The following TSHR variants were observed in gnomAD, a reference collection of about 807,000 sequenced individuals.
TSHR encodes thyroid stimulating hormone receptor.
In TSHR, 51 loss-of-function variants were observed where a neutral mutation model predicts 64.1. The ratio of observed to expected loss-of-function variants is 0.80; its 90% CI spans 0.64 to 1.01. The LOEUF (loss-of-function observed/expected upper bound fraction) is 1.01. Ranked by LOEUF, TSHR falls within the 50% of genes least tolerant of loss-of-function variation. The pLI, the probability that TSHR is intolerant of heterozygous loss-of-function variation, is 0.00. For synonymous variants in TSHR, 361 were observed against 361.9 expected (o/e 1.00, Z 0.03); for missense variants, 877 against 942.8 (o/e 0.93, Z 0.91).
At chr14:81,086,558 T>A (rs769172358) in intron 3 of TSHR, among the ~76,000 whole-genome samples, 2 of 152,174 alleles carry the variant, frequency 1.3e-5, no homozygotes, top group Non-Finnish European at 2.9e-5. Context: ...AGGCCAAACA[T>A]AAAATCCCTC....
intron 1 of TSHR, among the ~76,000 whole-genome samples, chr14:80,985,756 G>T (rs188421310): frequency 6.6e-6 from 1 of 152,230 alleles, no homozygotes; most frequent in Admixed American, 6.5e-5. Context: ...GTTGTGTATT[G>T]TAAACATCTT....
In TSHR at chr14:80,955,940, GC is replaced by G. The variant is rs1886652274; in HGVS notation, c.170+93del. The G allele has an allele frequency of 2.8e-5, 42 of 1,495,508 alleles. No homozygotes were observed. The South Asian group carries it at 4.8e-4, about 17-fold the overall frequency. The allele number at this position is 1,495,508 out of a possible 1,614,324, so 92.6% of individuals were successfully genotyped here. A position where few individuals can be genotyped will look rare whatever the true frequency, so the allele number is the denominator to read the frequency against. On this transcript the variant is annotated intron_variant, in intron 1 of 9. Transcript: ENST00000298171. ...AGTGCACAAAAGCAGCTCAATAACA[GC>G]CCGAAGTAGTGTGTGAGTGTGTGTA...
intron 8 of TSHR, among the ~76,000 whole-genome samples, chr14:81,124,758 A>C (rs1014059914): frequency 6.6e-5 from 10 of 151,898 alleles, no homozygotes; most frequent in Non-Finnish European, 1.2e-4. Context: ...TGTGGTTTTA[A>C]TTTGTGTTTC....
intron 8 of TSHR, among the ~76,000 whole-genome samples, chr14:81,133,855 G>C (rs1422123235): frequency 6.6e-6 from 1 of 151,978 alleles, no homozygotes; most frequent in Non-Finnish European, 1.5e-5. Flanking sequence ...CAATAATTAA[G>C]GACCTGAGAT....
rs1891924294 is a variant in TSHR, at chr14:81,146,301, T to C, written c.*1948T>C. 1 of 193,148 alleles carries C rather than the reference T, an allele frequency of 5.2e-6. No homozygotes were observed. The highest frequency in any genetic ancestry group is 1.1e-5 in the Non-Finnish European group (1 of 92,466). 12.0% of individuals were successfully genotyped at this position (193,148 alleles called of 1,614,324 possible). On this transcript the variant is annotated 3_prime_UTR_variant, in exon 10 of 10. Transcript: ENST00000298171. ...AAATTTTCTTCCTATGGAATAATCG[T>C]GCCAAGTCCTAGAGTGTTGTTCTTT... is the stretch of plus-strand genomic sequence containing the variant.
At chr14:81,067,839 T>C (rs947637457) in intron 2 of TSHR, among the ~76,000 whole-genome samples, 2 of 147,988 alleles carry the variant, frequency 1.4e-5, no homozygotes, top group Non-Finnish European at 3.0e-5. Context: ...TTTAATGGAA[T>C]GTCTAGTAAC....
chr14:80,970,575 A>G (rs573627317), intron 1 of TSHR, among the ~76,000 whole-genome samples: 1 of 152,286 alleles, frequency 6.6e-6, no homozygotes, highest in South Asian at 2.1e-4. Flanking sequence ...CAGGATGGAT[A>G]TCTGTAGTGT....
chr14:81,048,531 T>C (rs777243229), intron 1 of TSHR, among the ~76,000 whole-genome samples: 1 of 152,298 alleles, frequency 6.6e-6, no homozygotes. Context: ...AATGGAATGA[T>C]GTCAAAGGCT....
At chr14:80,970,848 C>A (rs1483377286) in intron 1 of TSHR, among the ~76,000 whole-genome samples, 1 of 152,180 alleles carries the variant, frequency 6.6e-6, no homozygotes, top group Non-Finnish European at 1.5e-5. Context: ...CAGGGTCTCA[C>A]TCTGTCACCC....
At chr14:81,049,691 T>C (rs1482354972) in intron 1 of TSHR, 1 of 152,180 alleles carries the variant, frequency 6.6e-6, no homozygotes, top group Non-Finnish European at 1.5e-5. Context: ...TCATCTTGAA[T>C]TGTAATCCCC....
At chr14:81,083,855 G>C (rs1159599770) in intron 3 of TSHR, among the ~76,000 whole-genome samples, 3 of 152,178 alleles carry the variant, frequency 2.0e-5, no homozygotes, top group Non-Finnish European at 4.4e-5. Flanking sequence ...AGAAGGGGAA[G>C]CAAACAGGTT....
At chr14:81,111,054 G>A (rs1043391787) in intron 8 of TSHR, among the ~76,000 whole-genome samples, 9 of 152,022 alleles carry the variant, frequency 5.9e-5, no homozygotes, top group African/African-American at 1.9e-4. Context: ...CATGTATAGG[G>A]TTCATGACTG....
In TSHR at chr14:80,955,689, G is replaced by C; in HGVS notation, c.9G>C (p.Pro3=). The C allele has an allele frequency of 1.2e-6, 2 of 1,614,038 alleles. No homozygotes were observed. Among genetic ancestry groups the C allele is most frequent in the Non-Finnish European group, 8.5e-7 (1 of 1,179,986 alleles). The change falls in exon 1 of 10, where the codon CCG becomes CCC. Residue 3 remains proline, a synonymous_variant. Transcript: ENST00000298171. The part of the protein sequence containing the change: MR[P]ADLLQLVLLL... ...CCCGAGTCCCGTGGAAAATGAGGCC[G>C]GCGGACTTGCTGCAGCTGGTGCTGC...
intron 1 of TSHR, among the ~76,000 whole-genome samples, chr14:81,061,859 A>G (rs1415965848): frequency 6.6e-6 from 1 of 152,138 alleles, no homozygotes; most frequent in Non-Finnish European, 1.5e-5. Flanking sequence ...CCCTTCAGTT[A>G]ACAAATAAAG....
intron 8 of TSHR, among the ~76,000 whole-genome samples, chr14:81,138,136 T>C (rs903478365): frequency 3.3e-5 from 5 of 152,026 alleles, no homozygotes; most frequent in Non-Finnish European, 5.9e-5. Flanking sequence ...TTTATAAATG[T>C]CTAATGTTAA....
chr14:81,077,803 C>T lies in TSHR; in HGVS notation c.317+9475C>T, dbSNP rs1392826404. On this transcript the variant is annotated intron_variant, in intron 3 of 9. Transcript: ENST00000298171. The stretch of plus-strand genomic sequence containing the variant: ...TTTTGGATTAATCTAGTTGTTTTTG[C>T]TTTTGTTTATTAGTGTTCTATTCCA... 3.9e-5 allele frequency among the ~76,000 whole-genome samples: 6 copies of T among 151,936 alleles called. No individual in the cohort carries two copies. The East Asian group carries it at 5.8e-4, about 15-fold the overall frequency.
intron 8 of TSHR, among the ~76,000 whole-genome samples, chr14:81,133,114 A>G (rs1320275445): frequency 6.6e-6 from 1 of 152,214 alleles, no homozygotes; most frequent in East Asian, 1.9e-4. Flanking sequence ...AAGCTCTTGC[A>G]CAGTTCTGTG....
intron 1 of TSHR, among the ~76,000 whole-genome samples, chr14:80,996,861 C>T (rs1889050466): frequency 6.6e-6 from 1 of 152,106 alleles, no homozygotes; most frequent in Non-Finnish European, 1.5e-5. Context: ...AGAGAAAATA[C>T]AAGACTTAGG....
rs981306654 is a variant in TSHR at position 81,095,216 on chromosome 14, C to T, written c.546-1423C>T. Among the ~76,000 whole-genome samples the T allele has an allele frequency of 3.3e-5, 5 of 152,090 alleles. No individual in the cohort carries two copies. In the South Asian group the frequency reaches 8.3e-4, roughly 25 times the overall value. ...TGCATTCCCATATAGCCCAGAGGTCCCAAGGCTGGGGCTCCTTCTCCTGCA... is the reference window on the plus strand; with the variant it reads ...TGCATTCCCATATAGCCCAGAGGTCTCAAGGCTGGGGCTCCTTCTCCTGCA... On this transcript the variant is annotated intron_variant, in intron 6 of 9. Transcript: ENST00000298171.
Sources: allele counts gnomAD v4.1 joint callset (sites outside exome capture counted in the v4.1 genomes callset), GRCh38; gene constraint gnomAD v4.1.1; transcripts MANE v1.5; gene names NCBI Gene and HGNC (gene_info 2026-07-23, HGNC 2026-07-21).